The following DCLRE1C variants were observed in gnomAD, a reference collection of about 807,000 sequenced individuals.
DCLRE1C encodes DNA cross-link repair 1C.
DCLRE1C carries 47 observed loss-of-function variants against 61.4 expected under a neutral mutation model. The ratio of observed to expected loss-of-function variants is 0.77; its 90% CI spans 0.61 to 0.98. The LOEUF (loss-of-function observed/expected upper bound fraction) is 0.98, where lower values mean the gene tolerates loss of function less well. Among genes scored for constraint, DCLRE1C ranks in the 50% least tolerant of loss-of-function variants. The probability of loss-of-function intolerance (pLI) is 0.00; values close to 1 mark genes in which losing one functional copy is unlikely to be tolerated. For missense variants in DCLRE1C, 858 were observed against 816.0 expected (o/e 1.05, Z -0.63); for synonymous variants, 337 against 287.6 (o/e 1.17, Z -1.74).
At chr10:14,946,963 GCACTTTGGGAAGCCAAGGTGGGCAGAT>G (rs1841794652) in intron 2 of DCLRE1C, among the ~76,000 whole-genome samples, 1 of 152,116 alleles carries the variant, frequency 6.6e-6, no homozygotes, top group South Asian at 2.1e-4. Flanking sequence ...TGTAATCCCA[GCACTTTGGGAAGCCAAGGTGGGCAGAT>G]CACTTGAAGT....
chr10:14,899,472 A>G, intron 13 of DCLRE1C: 1 of 1,529,126 alleles, frequency 6.5e-7, no homozygotes, highest in Non-Finnish European at 9.0e-7. Context: ...GCATATTAGT[A>G]GATAGGTAGA....
At chr10:14,904,419 TAAGAA>T (rs892007898), downstream of DCLRE1C, 1 of 149,644 alleles carries the variant, frequency 6.7e-6, no homozygotes, top group Non-Finnish European at 1.5e-5. Context: ...GTGTCAGTGT[TAAGAA>T]AAGGTTGTAG....
intron 1 of DCLRE1C, among the ~76,000 whole-genome samples, chr10:14,953,089 A>G (rs144023939): frequency 1.3e-5 from 2 of 152,372 alleles, no homozygotes; most frequent in Non-Finnish European, 2.9e-5. Flanking sequence ...CAGCAACTCC[A>G]GTGATTCCGT....
chr10:14,949,657 C>A (rs537067130), intron 1 of DCLRE1C, among the ~76,000 whole-genome samples: 1 of 152,196 alleles, frequency 6.6e-6, no homozygotes, highest in Non-Finnish European at 1.5e-5. Context: ...GCAATTAGAC[C>A]GACTATTACA....
intron 13 of DCLRE1C, among the ~76,000 whole-genome samples, chr10:14,911,619 T>G (rs139348177): frequency 2.6e-5 from 4 of 151,996 alleles, no homozygotes; most frequent in African/African-American, 9.6e-5. Context: ...AAGAAAAAAA[T>G]AGACAAATTT....
intron 2 of DCLRE1C, among the ~76,000 whole-genome samples, chr10:14,948,270 A>G (rs1841976199): frequency 6.6e-6 from 1 of 152,212 alleles, no homozygotes; most frequent in Non-Finnish European, 1.5e-5. Flanking sequence ...TAAGTATTCA[A>G]TAAACGTTAG....
exon 14 of DCLRE1C, chr10:14,899,000 A>G (rs1361278172): frequency 3.7e-5 from 19 of 517,330 alleles, no homozygotes; most frequent in Admixed American, 1.6e-4. Context: ...AATGAAAGTA[A>G]TGCAGTGTTC....
Position 14,905,061 on chromosome 10 carries a change from G to C in DCLRE1C, c.*3347C>G, listed in dbSNP as rs1191088932. On this transcript the variant is annotated 3_prime_UTR_variant, in exon 14 of 14. Transcript: ENST00000378278. ...GTTCTATTTACCATGGCTTAGCTTT[G>C]TTTCTGTTTTACAGTCATTTCCAGT... is the stretch of plus-strand genomic sequence containing the variant. Among the ~76,000 whole-genome samples, 1 of 152,182 alleles carries C rather than the reference G, an allele frequency of 6.6e-6. No homozygotes were observed. The highest frequency in any genetic ancestry group is 1.5e-5 in the Non-Finnish European group (1 of 68,006).
chr10:14,938,345 AT>A (rs5783425), intron 4 of DCLRE1C, among the ~76,000 whole-genome samples: 24,474 of 149,844 alleles, frequency 0.16, 2,249 homozygotes, highest in African/African-American at 0.25. Context: ...AGGTTCACCT[AT>A]TTTTTTTTTC....
chr10:14,946,003 A>C (rs1382294834), intron 2 of DCLRE1C, among the ~76,000 whole-genome samples: 1 of 135,704 alleles, frequency 7.4e-6, no homozygotes, highest in African/African-American at 2.8e-5. Context: ...ATTTCATAAT[A>C]AACTTTTTTT....
downstream of DCLRE1C, among the ~76,000 whole-genome samples, chr10:14,900,306 A>T (rs1833911757): frequency 6.6e-6 from 1 of 152,212 alleles, no homozygotes; most frequent in South Asian, 2.1e-4. Context: ...ACTAAGTAGC[A>T]AGTGGACAGT....
At chr10:14,909,609 A>C (rs1166757841) in intron 13 of DCLRE1C, among the ~76,000 whole-genome samples, 1 of 125,888 alleles carries the variant, frequency 7.9e-6, no homozygotes, top group East Asian at 2.2e-4. Context: ...CAAAAAAAGA[A>C]AAAAAAAAAA....
intron 3 of DCLRE1C, among the ~76,000 whole-genome samples, chr10:14,943,175 G>T (rs1314023319): frequency 1.3e-5 from 2 of 152,012 alleles, no homozygotes; most frequent in Admixed American, 6.6e-5. Context: ...GGGACAAATT[G>T]CTCTGCCAAC....
chr10:14,943,764 T>G (rs41296950), intron 3 of DCLRE1C, among the ~76,000 whole-genome samples: 930 of 143,072 alleles, frequency 6.5e-3, no homozygotes, highest in Admixed American at 0.011. Context: ...GGCCAGGCTG[T>G]TCTCTATCTG....
At chr10:14,951,384 T>C (rs1842428445) in intron 1 of DCLRE1C, among the ~76,000 whole-genome samples, 1 of 64,930 alleles carries the variant, frequency 1.5e-5, no homozygotes, top group Non-Finnish European at 2.7e-5. Flanking sequence ...AGCAAAACCC[T>C]GTCTCAAAAA....
chr10:14,921,718 C>G (rs144343216), intron 12 of DCLRE1C, among the ~76,000 whole-genome samples: 1 of 152,144 alleles, frequency 6.6e-6, no homozygotes. Context: ...GCTCTCATCC[C>G]GCTGTCTGGG....
downstream of DCLRE1C, among the ~76,000 whole-genome samples, chr10:14,900,611 T>C (rs1008760990): frequency 2.0e-5 from 3 of 152,226 alleles, no homozygotes; most frequent in South Asian, 2.1e-4. Flanking sequence ...CACTACATCT[T>C]TTTTCTTGCA....
chr10:14,897,619 A>G, exon 14 of DCLRE1C: 1 of 1,021,324 alleles, frequency 9.8e-7, no homozygotes, highest in Non-Finnish European at 1.3e-6. Flanking sequence ...ACATTTTGAT[A>G]TTTTCATTTG....
At chr10:14,932,811 T>A (rs181286737) in intron 9 of DCLRE1C, 43 bp downstream of exon 9, 2 of 1,607,858 alleles carry the variant, frequency 1.2e-6, no homozygotes, top group Admixed American at 1.7e-5. Context: ...TTCTTTTTCA[T>A]AGATTACACA....
Sources: allele counts gnomAD v4.1 joint callset (sites outside exome capture counted in the v4.1 genomes callset), GRCh38; gene constraint gnomAD v4.1.1; transcripts MANE v1.5; gene names NCBI Gene and HGNC (gene_info 2026-07-23, HGNC 2026-07-21).